CCDC39: variants seen among roughly 807,000 people sequenced by gnomAD.
CCDC39 encodes coiled-coil domain-containing protein 39.
In CCDC39, 113 loss-of-function variants were observed where a neutral mutation model predicts 121.0. The ratio of observed to expected loss-of-function variants is 0.93; its 90% CI spans 0.80 to 1.09. The LOEUF (loss-of-function observed/expected upper bound fraction) is 1.09. Among genes scored for constraint, CCDC39 ranks in the 50% least tolerant of loss-of-function variants. The pLI, the probability that CCDC39 is intolerant of heterozygous loss-of-function variation, is 0.00. For synonymous variants in CCDC39, 349 were observed against 352.2 expected (o/e 0.99, Z 0.10); for missense variants, 1,063 against 1,074.7 (o/e 0.99, Z 0.15).
At position 180,661,889 on chromosome 3, in the gene CCDC39, G is replaced by A. The variant is rs1467450017; in HGVS notation, c.329C>T (p.Ser110Leu). 3 of 1,586,890 alleles carry A rather than the reference G, an allele frequency of 1.9e-6. No homozygotes were observed. Among genetic ancestry groups the A allele is most frequent in the Non-Finnish European group, 2.6e-6 (3 of 1,165,080 alleles). ...EIQRLENEMA[S>L]ILEKKSDKEN... is the part of the protein sequence containing the mutation. ...TTTATCACTTTTCTTTTCCAGTATT[G>A]AAGCCATCTCATTTTCCAGCCGTTG... The change falls in exon 3 of 20, where the codon TCA (serine) becomes TTA (leucine). Residue 110 changes from serine (S) to leucine (L), a missense_variant. Transcript: ENST00000476379.
At chr3:180,644,707 G>C (rs1009440358) in intron 11 of CCDC39, among the ~76,000 whole-genome samples, 1 of 152,144 alleles carries the variant, frequency 6.6e-6, no homozygotes, top group African/African-American at 2.4e-5. Flanking sequence ...GTAATAAAAT[G>C]TAAATGTTAT....
chr3:180,614,683 G>C lies in CCDC39; in HGVS notation c.*238C>G, dbSNP rs1286857727. On this transcript the variant is annotated 3_prime_UTR_variant, in exon 20 of 20. Transcript: ENST00000476379. The stretch of plus-strand genomic sequence containing the variant: ...AACATCAGAATTACAGTGAAATACA[G>C]CATTTTTCCTATGCTTGTATAACAT... 7.4e-6 allele frequency: 3 copies of C among 406,334 alleles called. No homozygotes were observed. The highest frequency in any genetic ancestry group is 8.8e-5 in the Admixed American group (2 of 22,800). The allele number at this position is 406,334 out of a possible 1,614,324, so 25.2% of individuals were successfully genotyped here.
At position 180,654,789 on chromosome 3, in the gene CCDC39, T is replaced by C; in HGVS notation, c.903A>G (p.Glu301=). 1 of 1,609,216 alleles carries C rather than the reference T, an allele frequency of 6.2e-7. No individual in the cohort carries two copies. The highest frequency in any genetic ancestry group is 1.1e-5 in the South Asian group (1 of 90,068). The change falls in exon 7 of 20, where the codon GAA becomes GAG. Residue 301 remains glutamate (E), a synonymous_variant. Transcript: ENST00000476379. ...CACCCTTCAGCTGAATTCTACTAGT[T>C]TCATGGTCCTGATATGCCGTTCTAC... The part of the protein sequence containing the change: ...LKCRTAYQDH[E]TSRIQLKGEL...
intron 13 of CCDC39, among the ~76,000 whole-genome samples, chr3:180,632,543 T>C (rs1449507774): frequency 6.6e-6 from 1 of 152,196 alleles, no homozygotes; most frequent in African/African-American, 2.4e-5. Flanking sequence ...AAATATTTAC[T>C]CATCCTTTAT....
At chr3:180,665,657 A>G (rs1293970655) in intron 1 of CCDC39, among the ~76,000 whole-genome samples, 1 of 151,848 alleles carries the variant, frequency 6.6e-6, no homozygotes, top group Non-Finnish European at 1.5e-5. Context: ...ATTTAAGGCT[A>G]TATGTTTTCT....
At chr3:180,635,671 G>T (rs982458346) in intron 13 of CCDC39, among the ~76,000 whole-genome samples, 10 of 152,120 alleles carry the variant, frequency 6.6e-5, no homozygotes, top group Admixed American at 1.3e-4. Flanking sequence ...CATGGGGTGG[G>T]CTCCCAAGGC....
At chr3:180,641,002 A>G (rs1717941109) in intron 13 of CCDC39, among the ~76,000 whole-genome samples, 2 of 152,122 alleles carry the variant, frequency 1.3e-5, no homozygotes, top group Admixed American at 6.5e-5. Context: ...GGTCATTTAT[A>G]CACATGAACA....
chr3:180,631,521 A>G lies in CCDC39; in HGVS notation c.1946T>C (p.Met649Thr), dbSNP rs1159433758. The G allele has an allele frequency of 6.2e-7, 1 of 1,608,842 alleles. No homozygotes were observed. Among genetic ancestry groups the G allele is most frequent in the Admixed American group, 1.7e-5 (1 of 60,004 alleles). The change falls in exon 14 of 20, where the codon ATG becomes ACG. Residue 649 changes from methionine (M) to threonine (T), a missense_variant. By Grantham distance (81) the Met-to-Thr change is moderately conservative (BLOSUM62 -1). Coordinates refer to ENST00000476379, the MANE Select transcript of CCDC39 (RefSeq NM_181426.2). ...CTCCTCTTCTCCTTCAGGAGGCAGC[A>G]TAACAACAGTCAGAATTTCATATCT... ...KNRYEILTVV[M>T]LPPEGEEEKT...
intron 13 of CCDC39, among the ~76,000 whole-genome samples, chr3:180,632,222 C>T (rs956117374): frequency 5.9e-5 from 9 of 152,144 alleles, no homozygotes; most frequent in African/African-American, 1.9e-4. Flanking sequence ...CCAAACAGGG[C>T]GGTTGAGAAT....
Position 180,652,231 on chromosome 3 carries a change from G to T in CCDC39, c.966C>A (p.Ser322=). ...TTTTCCTCAGAGCTTCTAAATCACT[G>T]GAAGTTCTATTCACAGTGGCTTTTA... is the stretch of plus-strand genomic sequence containing the variant. ...DSLKATVNRT[S]SDLEALRKNI... is the part of the protein sequence containing the mutation. Residue 322 remains serine, a synonymous_variant, in exon 8 of 20, where the codon TCC becomes TCA. Coordinates refer to ENST00000476379, the MANE Select transcript of CCDC39 (RefSeq NM_181426.2). 1 of 1,534,356 alleles carries T rather than the reference G, an allele frequency of 6.5e-7. No individual in the cohort carries two copies. Among genetic ancestry groups the T allele is most frequent in the Non-Finnish European group, 8.8e-7 (1 of 1,140,620 alleles).
At chr3:180,625,059 C>T (rs1009050365) in intron 14 of CCDC39, among the ~76,000 whole-genome samples, 7 of 152,008 alleles carry the variant, frequency 4.6e-5, no homozygotes, top group East Asian at 1.9e-4. Flanking sequence ...TGTGTCTCGG[C>T]GTCTAACTCT....
intron 16 of CCDC39, among the ~76,000 whole-genome samples, chr3:180,617,216 A>G (rs1717279085): frequency 6.6e-6 from 1 of 152,168 alleles, no homozygotes; most frequent in Non-Finnish European, 1.5e-5. Context: ...ACAATACATT[A>G]GTCATGAGTT....
chr3:180,674,911 G>A (rs1225810987), intron 1 of CCDC39, among the ~76,000 whole-genome samples: 3 of 152,158 alleles, frequency 2.0e-5, no homozygotes, highest in Non-Finnish European at 4.4e-5. Flanking sequence ...TTGCATCGAT[G>A]TTCATCAGGG....
At position 180,616,328 on chromosome 3, in the gene CCDC39, G is replaced by A. The variant is rs1279047184; in HGVS notation, c.2622C>T (p.Gly874=). The A allele has an allele frequency of 1.2e-6, 2 of 1,613,242 alleles. No homozygotes were observed. Among genetic ancestry groups the A allele is most frequent in the Admixed American group, 1.7e-5 (1 of 59,912 alleles). ...AAGGAGATCTAGAGCTCTGACGACT[G>A]CCTTTTGTGCTAGCTGTAGGTAGTT... is the stretch of plus-strand genomic sequence containing the variant. ...GLELPTASTK[G]SRQSSRSPSH... Residue 874 remains glycine, a synonymous_variant, in exon 19 of 20, where the codon GGC becomes GGT. Coordinates refer to ENST00000476379, the MANE Select transcript of CCDC39 (RefSeq NM_181426.2).
intron 4 of CCDC39, 44 bp downstream of exon 4, chr3:180,660,526 C>T: frequency 6.7e-7 from 1 of 1,486,554 alleles, no homozygotes; most frequent in South Asian, 1.3e-5. Flanking sequence ...TGACATACTA[C>T]AGAGTTAGAG....
At chr3:180,662,882 T>C (rs1056262651) in intron 2 of CCDC39, among the ~76,000 whole-genome samples, 2 of 152,152 alleles carry the variant, frequency 1.3e-5, no homozygotes, top group African/African-American at 4.8e-5. Flanking sequence ...TGAAACTACA[T>C]ACTATTTCTC....
chr3:180,624,413 C>T (rs1330441137), intron 14 of CCDC39, among the ~76,000 whole-genome samples: 1 of 152,042 alleles, frequency 6.6e-6, no homozygotes. Flanking sequence ...TACATTCAAA[C>T]TTATATTGAT....
At chr3:180,677,214 A>T (rs552900190) in intron 1 of CCDC39, among the ~76,000 whole-genome samples, 9 of 118,438 alleles carry the variant, frequency 7.6e-5, no homozygotes, top group African/African-American at 2.8e-4. Context: ...ATATATATAT[A>T]TAAAATCACA....
chr3:180,621,354 GGTT>G (rs1224691790), intron 14 of CCDC39, among the ~76,000 whole-genome samples: 1 of 151,940 alleles, frequency 6.6e-6, no homozygotes, highest in Non-Finnish European at 1.5e-5. Context: ...TTTCCATAGA[GGTT>G]GTGTTAATTT....
Sources: allele counts gnomAD v4.1 joint callset (sites outside exome capture counted in the v4.1 genomes callset), GRCh38; gene constraint gnomAD v4.1.1; transcripts MANE v1.5; gene names NCBI Gene and HGNC (gene_info 2026-07-23, HGNC 2026-07-21).